The following RBFOX1 variants were observed in gnomAD, a reference collection of about 807,000 sequenced individuals.
RBFOX1 encodes the protein RNA binding protein fox-1 homolog 1.
A neutral mutation model predicts 57.7 loss-of-function variants in RBFOX1; 8 were observed. The observed-to-expected ratio is 0.14, with a 90% CI of 0.08 to 0.25. RBFOX1 has a LOEUF of 0.25. Among genes scored for constraint, RBFOX1 ranks in the 10% least tolerant of loss-of-function variants. The pLI, the probability that RBFOX1 is intolerant of heterozygous loss-of-function variation, is 1.00. For synonymous variants in RBFOX1, 326 were observed against 222.4 expected, an observed-to-expected ratio of 1.47 and a Z score of -4.15; for missense variants, 611 against 548.5, an observed-to-expected ratio of 1.11 and a Z score of -1.14.
At chr16:6,016,338 C>G (rs1323180963), upstream of RBFOX1, among the ~76,000 whole-genome samples, 1 of 152,136 alleles carries the variant, frequency 6.6e-6, no homozygotes, top group Non-Finnish European at 1.5e-5. Flanking sequence ...TAAACAGAAG[C>G]TATCCAGGAA....
intron 2 of RBFOX1, among the ~76,000 whole-genome samples, chr16:6,653,891 T>C (rs892226526): frequency 1.3e-5 from 2 of 150,476 alleles, no homozygotes; most frequent in Non-Finnish European, 3.0e-5. Context: ...GATGAATGGA[T>C]AAAAAGATGA....
chr16:6,370,203 A>T (rs2090218627), intron 2 of RBFOX1, among the ~76,000 whole-genome samples: 1 of 151,774 alleles, frequency 6.6e-6, no homozygotes, highest in Admixed American at 6.6e-5. Flanking sequence ...CTAAAAATAC[A>T]AAAAATTAGC....
chr16:7,528,475 T>TTTTA (rs2079203474), intron 5 of RBFOX1, among the ~76,000 whole-genome samples: 1 of 152,238 alleles, frequency 6.6e-6, no homozygotes, highest in East Asian at 1.9e-4. Flanking sequence ...AGCAATTTTA[T>TTTTA]TTTATTTATT....
intron 4 of RBFOX1, among the ~76,000 whole-genome samples, chr16:5,899,939 G>C (rs2058266368): frequency 6.6e-6 from 1 of 152,160 alleles, no homozygotes; most frequent in African/African-American, 2.4e-5. Flanking sequence ...CAGGCATGGT[G>C]GTGCAGACCT....
chr16:7,063,207 C>T (rs911242730), intron 4 of RBFOX1, among the ~76,000 whole-genome samples: 1 of 151,978 alleles, frequency 6.6e-6, no homozygotes, highest in South Asian at 2.1e-4. Flanking sequence ...GGTCAGTTCT[C>T]AGTCATCAAG....
chr16:6,904,617 A>AG (rs987383872), intron 3 of RBFOX1, among the ~76,000 whole-genome samples: 11 of 142,880 alleles, frequency 7.7e-5, no homozygotes, highest in Non-Finnish European at 1.2e-4. Context: ...AAAAAAAAAA[A>AG]AAAAAAAAAA....
At position 7,707,210 on chromosome 16, in the gene RBFOX1, G is replaced by C. The variant is rs72636235; in HGVS notation, c.996-1846G>C. ...AGGCAGATGGGCTTGAGAGTTGGAA[G>C]ATGCCCAGTGCAAACCTGGTATAAT... On this transcript the variant is annotated intron_variant, in intron 14 of 15. Coordinates refer to ENST00000550418, the MANE Select transcript of RBFOX1 (RefSeq NM_018723.4). Among the ~76,000 whole-genome samples the C allele has an allele frequency of 0.02, 3,084 of 152,252 alleles. 152 individuals are homozygous for C. In the East Asian group the frequency reaches 0.22, roughly 11 times the overall value.
Position 5,467,473 on chromosome 16 carries a change from C to T in RBFOX1, c.258+219C>T, listed in dbSNP as rs567956479. On this transcript the variant is annotated intron_variant, in intron 2 of 2. Coordinates refer to the RBFOX1 transcript ENST00000585867. ...ACTTAGCATCTTTAATGTATGAGCT[C>T]CAGAAATGAAGTCATTTTTGCCAGG... Among the ~76,000 whole-genome samples, 7 of 152,176 alleles carry T rather than the reference C, an allele frequency of 4.6e-5. 2 individuals are homozygous for T. The South Asian group carries it at 1.5e-3, about 32-fold the overall frequency.
intron 2 of RBFOX1, among the ~76,000 whole-genome samples, chr16:5,498,424 GTCTAAGAACAAAGCTTGGGGAAAT>G (rs1474204736): frequency 3.6e-4 from 55 of 152,270 alleles, no homozygotes; most frequent in African/African-American, 1.2e-3. Context: ...GATTACAGGC[GTCTAAGAACAAAGCTTGGGGAAAT>G]TCTAATTGGC....
In RBFOX1 at chr16:6,476,927, T is replaced by C. The variant is rs548005392; in HGVS notation, c.-64+159870T>C. Among the ~76,000 whole-genome samples, 8 of 152,368 alleles carry C rather than the reference T, an allele frequency of 5.3e-5. No individual in the cohort carries two copies. The East Asian group carries it at 1.5e-3, about 29-fold the overall frequency. ...ATTGCAACAAGGATCATAGTATCTTTACTAGATGTAGATTCCATCTCAAGG... is the reference window on the plus strand; with the variant it reads ...ATTGCAACAAGGATCATAGTATCTTCACTAGATGTAGATTCCATCTCAAGG... On this transcript the variant is annotated intron_variant, in intron 2 of 15. Coordinates refer to ENST00000550418, the MANE Select transcript of RBFOX1 (RefSeq NM_018723.4).
At chr16:6,955,923 C>G (rs1238776232) in intron 3 of RBFOX1, among the ~76,000 whole-genome samples, 1 of 152,078 alleles carries the variant, frequency 6.6e-6, no homozygotes, top group Admixed American at 6.6e-5. Flanking sequence ...TCAGGCTGGT[C>G]TCAAACTCCT....
At chr16:6,597,413 C>G (rs1273669634) in intron 2 of RBFOX1, among the ~76,000 whole-genome samples, 3 of 152,074 alleles carry the variant, frequency 2.0e-5, no homozygotes, top group East Asian at 1.9e-4. Flanking sequence ...GTGGCTCACA[C>G]CAGTAATCCC....
chr16:5,909,455 G>C (rs1316998038), intron 4 of RBFOX1, among the ~76,000 whole-genome samples: 4 of 152,120 alleles, frequency 2.6e-5, no homozygotes, highest in Admixed American at 2.6e-4. Flanking sequence ...TAGATAAAAG[G>C]AGAGATGGTC....
chr16:5,757,997 G>T (rs2053460181), intron 3 of RBFOX1, among the ~76,000 whole-genome samples: 1 of 152,144 alleles, frequency 6.6e-6, no homozygotes, highest in African/African-American at 2.4e-5. Context: ...TCTGCCTGTG[G>T]CACTGAGCTT....
intron 4 of RBFOX1, among the ~76,000 whole-genome samples, chr16:7,054,389 G>A (rs772973606): frequency 1.7e-4 from 25 of 151,372 alleles, no homozygotes; most frequent in Non-Finnish European, 3.1e-4. Context: ...ACAGGCACGC[G>A]CCACCACGCC....
In RBFOX1 at chr16:6,157,819, T is replaced by G. The variant is rs553069547; in HGVS notation, c.-127+137827T>G. Among the ~76,000 whole-genome samples, 337 of 152,324 alleles carry G rather than the reference T, an allele frequency of 2.2e-3. 1 individual carries two copies. Among genetic ancestry groups the G allele is most frequent in the Non-Finnish European group, 4.2e-3 (284 of 68,038 alleles). On this transcript the variant is annotated intron_variant, in intron 1 of 15. Coordinates refer to ENST00000550418, the MANE Select transcript of RBFOX1 (RefSeq NM_018723.4). ...TGCCAAGTGGATTTTGCTAAGATAA[T>G]TATCAGCAATGTTAGACTTATGTCC... is the stretch of plus-strand genomic sequence containing the variant.
intron 1 of RBFOX1, among the ~76,000 whole-genome samples, chr16:6,245,249 A>T (rs1054364373): frequency 2.0e-5 from 3 of 152,116 alleles, no homozygotes; most frequent in African/African-American, 7.2e-5. Flanking sequence ...GATGGCTTTA[A>T]ATTTTTTTTC....
intron 1 of RBFOX1, among the ~76,000 whole-genome samples, chr16:6,187,433 A>T (rs1052364493): frequency 2.6e-5 from 4 of 152,160 alleles, no homozygotes; most frequent in Non-Finnish European, 4.4e-5. Context: ...GGGATAAAAG[A>T]TTGGGAATTT....
In RBFOX1 at chr16:7,579,940, C is replaced by T. The variant is rs762873223; in HGVS notation, c.414+20C>T. On this transcript the variant is annotated intron_variant, in intron 6 of 15. Transcript: ENST00000550418. ...TTTGGTGTAAGTATCACCTTTCTTC[C>T]CAGCAGTGCCCGCTCTGGGGGTTCC... 2 of 1,612,674 alleles carry T rather than the reference C, an allele frequency of 1.2e-6. No individual in the cohort carries two copies. The highest frequency in any genetic ancestry group is 1.7e-6 in the Non-Finnish European group (2 of 1,178,834).
Sources: gnomAD v4.1 joint callset for allele counts (sites outside exome capture counted in the v4.1 genomes callset) on GRCh38, gnomAD v4.1.1 for gene constraint, MANE v1.5 for transcripts, NCBI Gene and HGNC (gene_info 2026-07-23, HGNC 2026-07-21) for gene names.